The following TBC1D32 variants were observed in gnomAD, a reference collection of about 807,000 sequenced individuals.
TBC1D32 encodes the protein TBC1 domain family member 32, also known as protein broad-minded.
A neutral mutation model predicts 170.3 loss-of-function variants in TBC1D32; 151 were observed. The observed-to-expected ratio is 0.89, with a 90% CI of 0.78 to 1.01. TBC1D32 has a LOEUF of 1.01. Among genes scored for constraint, TBC1D32 ranks in the 50% least tolerant of loss-of-function variants. The probability of loss-of-function intolerance (pLI) is 0.00; values close to 1 mark genes in which losing one functional copy is unlikely to be tolerated. For synonymous variants in TBC1D32, 498 were observed against 488.0 expected, an observed-to-expected ratio of 1.02 and a Z score of -0.27; for missense variants, 1,464 against 1,457.1, an observed-to-expected ratio of 1.00 and a Z score of -0.08.
chr6:121,257,128 A>G (rs940283989), intron 15 of TBC1D32, among the ~76,000 whole-genome samples: 13 of 152,182 alleles, frequency 8.5e-5, no homozygotes, highest in Admixed American at 7.9e-4. Context: ...GTTTATTTGG[A>G]TAACTACTTT....
intron 24 of TBC1D32, among the ~76,000 whole-genome samples, chr6:121,138,876 G>A (rs1201170219): frequency 6.8e-6 from 1 of 146,790 alleles, no homozygotes; most frequent in South Asian, 2.1e-4. Context: ...ACGGAGTCTC[G>A]CTCTGTCGCC....
At chr6:121,310,220 C>A (rs1015280567) in intron 4 of TBC1D32, among the ~76,000 whole-genome samples, 4 of 151,988 alleles carry the variant, frequency 2.6e-5, no homozygotes, top group South Asian at 2.1e-4. Flanking sequence ...ATGTTTTATT[C>A]TTGAAAACTG....
intron 30 of TBC1D32, among the ~76,000 whole-genome samples, chr6:121,099,719 T>A (rs1777805516): frequency 6.6e-6 from 1 of 151,952 alleles, no homozygotes; most frequent in Non-Finnish European, 1.5e-5. Flanking sequence ...AACAGAGCAA[T>A]GATACGATTT....
chr6:121,248,482 T>G (rs1035337652), intron 17 of TBC1D32, among the ~76,000 whole-genome samples: 2 of 151,334 alleles, frequency 1.3e-5, no homozygotes, highest in African/African-American at 4.8e-5. Flanking sequence ...GAGAATTAAA[T>G]GAAATTGAAA....
At chr6:121,253,722 A>C (rs953662722) in intron 17 of TBC1D32, among the ~76,000 whole-genome samples, 3 of 152,168 alleles carry the variant, frequency 2.0e-5, no homozygotes, top group African/African-American at 7.2e-5. Context: ...CCGTCTCAAA[A>C]AAAAAAGTCA....
intron 15 of TBC1D32, among the ~76,000 whole-genome samples, chr6:121,272,151 A>G (rs1246689340): frequency 2.0e-5 from 3 of 152,102 alleles, no homozygotes; most frequent in Non-Finnish European, 4.4e-5. Flanking sequence ...AACCATAAAA[A>G]CCCTAGAAGA....
intron 11 of TBC1D32, 138 bp downstream of exon 11, chr6:121,294,432 T>C (rs1805314472): frequency 1.7e-6 from 1 of 597,490 alleles, no homozygotes; most frequent in Non-Finnish European, 2.9e-6. Flanking sequence ...GTGTAAAATA[T>C]ATTTTACAGC....
chr6:121,286,951 C>A (rs1803948949), intron 12 of TBC1D32, among the ~76,000 whole-genome samples: 1 of 152,224 alleles, frequency 6.6e-6, no homozygotes, highest in South Asian at 2.1e-4. Flanking sequence ...CAAGCAAATG[C>A]TGAGAGATTT....
chr6:121,145,212 T>C (rs992753065), intron 24 of TBC1D32, among the ~76,000 whole-genome samples: 2 of 152,156 alleles, frequency 1.3e-5, no homozygotes, highest in Non-Finnish European at 2.9e-5. Flanking sequence ...AACACCATGC[T>C]TGTTGGCATA....
chr6:121,160,605 A>C (rs1276942863), intron 23 of TBC1D32, among the ~76,000 whole-genome samples: 3 of 152,252 alleles, frequency 2.0e-5, no homozygotes, highest in Middle Eastern at 3.4e-3. Flanking sequence ...AAAATAAAAA[A>C]TAATGTCATT....
intron 29 of TBC1D32, 25 bp downstream of exon 29, chr6:121,112,480 C>A: frequency 6.4e-7 from 1 of 1,571,690 alleles, no homozygotes. Flanking sequence ...TCAAACCCTC[C>A]TTTAAAAACA....
chr6:121,310,891 T>C (rs1246987555), intron 3 of TBC1D32, 44 bp from the exon 4 acceptor site: 40 of 1,052,558 alleles, frequency 3.8e-5, no homozygotes, highest in Non-Finnish European at 5.0e-5. Context: ...AGAAGGCTTT[T>C]AGAACTATTG....
At chr6:121,173,446 T>C (rs1787344208) in intron 22 of TBC1D32, among the ~76,000 whole-genome samples, 1 of 151,414 alleles carries the variant, frequency 6.6e-6, no homozygotes, top group African/African-American at 2.4e-5. Context: ...CTGACCAATA[T>C]GAAAATAAAA....
At chr6:121,303,791 TA>T (rs749735716) in intron 8 of TBC1D32, 30 bp from the exon 9 acceptor site, 1 of 1,444,200 alleles carries the variant, frequency 6.9e-7, no homozygotes, top group Non-Finnish European at 9.4e-7. Context: ...GAAATACAAT[TA>T]CACATATAGT....
chr6:121,156,632 C>A (rs1784923784), intron 24 of TBC1D32, among the ~76,000 whole-genome samples: 1 of 151,846 alleles, frequency 6.6e-6, no homozygotes, highest in East Asian at 1.9e-4. Context: ...GTCTTTCTAA[C>A]CTCTTGATGA....
In TBC1D32 at chr6:121,282,406, A is replaced by C. The variant is rs374593487; in HGVS notation, c.1466-720T>G. On this transcript the variant is annotated intron_variant, in intron 13 of 31. Transcript: ENST00000398212. The stretch of plus-strand genomic sequence containing the variant: ...GGTAAGATTGTCCTAGTAAGATACA[A>C]CACTTTAGTATTTAGACACTGTATG... 3.0e-4 allele frequency among the ~76,000 whole-genome samples: 46 copies of C among 151,772 alleles called. No individual in the cohort carries two copies. In the East Asian group the frequency reaches 8.1e-3, roughly 27 times the overall value.
intron 21 of TBC1D32, among the ~76,000 whole-genome samples, chr6:121,210,565 G>T (rs560019953): frequency 6.6e-6 from 1 of 152,276 alleles, no homozygotes; most frequent in South Asian, 2.1e-4. Flanking sequence ...GGCAGAATTC[G>T]AAAATGGCCC....
chr6:121,282,044 T>C (rs1001290469), intron 13 of TBC1D32, among the ~76,000 whole-genome samples: 1 of 151,722 alleles, frequency 6.6e-6, no homozygotes, highest in African/African-American at 2.4e-5. Flanking sequence ...AATACACTTT[T>C]ACCATACTCA....
intron 24 of TBC1D32, among the ~76,000 whole-genome samples, chr6:121,151,260 C>T (rs1784174794): frequency 6.6e-6 from 1 of 151,994 alleles, no homozygotes. Context: ...TATTATTTAC[C>T]CAGTAGTCAT....
Sources: allele counts gnomAD v4.1 joint callset (sites outside exome capture counted in the v4.1 genomes callset), GRCh38; gene constraint gnomAD v4.1.1; transcripts MANE v1.5; gene names NCBI Gene and HGNC (gene_info 2026-07-23, HGNC 2026-07-21).